The following C1orf141 variants were observed in gnomAD, a reference collection of about 807,000 sequenced individuals.
The protein encoded by C1orf141 is chromosome 1 open reading frame 141.
In C1orf141, 19 loss-of-function variants were observed where a neutral mutation model predicts 23.2. The observed-to-expected ratio is 0.82, with a 90% CI of 0.57 to 1.20. C1orf141 has a LOEUF of 1.20. Among genes scored for constraint, C1orf141 ranks in the 50% most tolerant of loss-of-function variants. C1orf141 has a pLI of 0.00. For missense variants in C1orf141, 469 were observed against 455.1 expected (o/e 1.03, Z -0.28); for synonymous variants, 153 against 154.6 (o/e 0.99, Z 0.08).
intron 5 of C1orf141, among the ~76,000 whole-genome samples, chr1:67,102,009 T>G (rs935126389): frequency 6.6e-6 from 1 of 152,116 alleles, no homozygotes; most frequent in Non-Finnish European, 1.5e-5. Context: ...CTTACCTCCT[T>G]CCAAGCAACC....
intron 4 of C1orf141, among the ~76,000 whole-genome samples, chr1:67,121,193 T>A (rs1646291996): frequency 6.6e-6 from 1 of 152,228 alleles, no homozygotes; most frequent in Non-Finnish European, 1.5e-5. Context: ...AGTTTTAATG[T>A]GGAATTTTAC....
chr1:67,102,934 C>T (rs1319305361), intron 5 of C1orf141, among the ~76,000 whole-genome samples: 2 of 152,000 alleles, frequency 1.3e-5, no homozygotes, highest in Non-Finnish European at 2.9e-5. Context: ...GCTAAAATCT[C>T]TTAACTATTA....
Position 67,095,390 on chromosome 1 carries a change from T to C in C1orf141, c.448A>G (p.Ile150Val), listed in dbSNP as rs1190482125. 6.4e-7 allele frequency: 1 copy of C among 1,557,290 alleles called. No individual in the cohort carries two copies. Among genetic ancestry groups the C allele is most frequent in the Non-Finnish European group, 8.7e-7 (1 of 1,145,168 alleles). Residue 150 changes from isoleucine (I) to valine (V), a missense_variant, in exon 7 of 8, where the codon ATA (isoleucine) becomes GTA (valine). By Grantham distance (29) the Ile-to-Val change is conservative. Around this residue, in one of 3 missense-constraint regions of C1orf141, gnomAD observed 370 missense variants for 348.1 expected, o/e 1.06. Transcript: ENST00000684719. ...TTTCTGACCGATTTGTTTTCTTTTA[T>C]ATTAAAATCGTTCATCTGTGGAGAT... ...KKSPQMNDFN[I>V]KENKSVRNYQ...
upstream of C1orf141, among the ~76,000 whole-genome samples, chr1:67,136,523 C>T (rs147872547): frequency 2.0e-5 from 3 of 152,258 alleles, no homozygotes; most frequent in African/African-American, 4.8e-5. Context: ...AGTTCAGAAA[C>T]GTTAGCTACT....
intron 1 of C1orf141, among the ~76,000 whole-genome samples, chr1:67,141,505 C>A (rs767982754): frequency 2.0e-5 from 3 of 152,108 alleles, no homozygotes; most frequent in African/African-American, 7.2e-5. Context: ...TGTCTATAAT[C>A]CCAGCACTTT....
intron 5 of C1orf141, chr1:67,103,521 T>A: frequency 2.1e-6 from 1 of 485,376 alleles, no homozygotes; most frequent in Non-Finnish European, 3.3e-6. Context: ...TTAAATATTT[T>A]AAAATGTGAT....
At chr1:67,135,745 A>T (rs1297495450), upstream of C1orf141, among the ~76,000 whole-genome samples, 4 of 152,080 alleles carry the variant, frequency 2.6e-5, no homozygotes, top group African/African-American at 9.7e-5. Context: ...TTACATTTTA[A>T]GTCAGGGGTT....
At chr1:67,137,002 T>C (rs565188871), upstream of C1orf141, among the ~76,000 whole-genome samples, 1 of 152,342 alleles carries the variant, frequency 6.6e-6, no homozygotes, top group East Asian at 1.9e-4. Context: ...TGTTTTATTT[T>C]AAAAGTATAC....
intron 4 of C1orf141, among the ~76,000 whole-genome samples, chr1:67,118,067 C>T (rs1558199115): frequency 6.6e-6 from 1 of 152,152 alleles, no homozygotes; most frequent in Non-Finnish European, 1.5e-5. Context: ...ATTTACTCCA[C>T]TTAGTCATAG....
chr1:67,138,358 A>G (rs754322089), upstream of C1orf141, among the ~76,000 whole-genome samples: 2 of 152,178 alleles, frequency 1.3e-5, no homozygotes, highest in Admixed American at 6.5e-5. Context: ...TGTGAATCCA[A>G]TGGACGTCTT....
intron 5 of C1orf141, among the ~76,000 whole-genome samples, chr1:67,098,416 G>A (rs765356121): frequency 1.3e-5 from 2 of 152,142 alleles, no homozygotes; most frequent in Non-Finnish European, 2.9e-5. Flanking sequence ...CAGCTACTTG[G>A]GAGACTAAGG....
At chr1:67,130,786 A>G (rs1345960224) in intron 2 of C1orf141, among the ~76,000 whole-genome samples, 1 of 152,224 alleles carries the variant, frequency 6.6e-6, no homozygotes, top group Non-Finnish European at 1.5e-5. Flanking sequence ...AATTGACTGA[A>G]TGTTAGTTTT....
chr1:67,116,006 C>G (rs1022504619), intron 4 of C1orf141, among the ~76,000 whole-genome samples: 1 of 152,188 alleles, frequency 6.6e-6, no homozygotes, highest in Admixed American at 6.5e-5. Context: ...ACCTCAGATA[C>G]TCACCCTTAG....
At chr1:67,126,190 C>A (rs1207484234) in intron 3 of C1orf141, among the ~76,000 whole-genome samples, 1 of 151,932 alleles carries the variant, frequency 6.6e-6, no homozygotes, top group Non-Finnish European at 1.5e-5. Context: ...TTCTAAAGTA[C>A]AGAATTTAAG....
At chr1:67,099,781 G>C (rs932343573) in intron 5 of C1orf141, among the ~76,000 whole-genome samples, 2 of 152,068 alleles carry the variant, frequency 1.3e-5, no homozygotes, top group African/African-American at 4.8e-5. Context: ...TGTCTCAAAA[G>C]AAATAAATAA....
chr1:67,114,923 G>C (rs57725967), intron 5 of C1orf141, among the ~76,000 whole-genome samples: 10 of 152,144 alleles, frequency 6.6e-5, no homozygotes, highest in Admixed American at 4.6e-4. Flanking sequence ...GGATCCACCC[G>C]CCTCGGCCTC....
At chr1:67,125,635 G>A (rs1257152610) in intron 4 of C1orf141, 117 bp downstream of exon 4, 10 of 973,988 alleles carry the variant, frequency 1.0e-5, no homozygotes, top group Non-Finnish European at 1.7e-5. Context: ...GGAAGTTGAG[G>A]CTGCAGTGAG....
intron 5 of C1orf141, among the ~76,000 whole-genome samples, chr1:67,097,695 G>C (rs1275320807): frequency 2.6e-5 from 4 of 152,094 alleles, no homozygotes; most frequent in Non-Finnish European, 5.9e-5. Context: ...GCTCAGTGAT[G>C]GATGGTCTGT....
chr1:67,137,423 C>T (rs574096818), upstream of C1orf141, among the ~76,000 whole-genome samples: 34 of 152,264 alleles, frequency 2.2e-4, no homozygotes, highest in East Asian at 6.2e-3. Context: ...GGAGATCTGC[C>T]ACCCGGGGAA....
Sources: allele counts gnomAD v4.1 joint callset (sites outside exome capture counted in the v4.1 genomes callset), GRCh38; gene constraint gnomAD v4.1.1; regional missense constraint gnomAD v4.1.1; transcripts MANE v1.5; gene names NCBI Gene and HGNC (gene_info 2026-07-23, HGNC 2026-07-21).